The following SCEL variants were observed in gnomAD, a reference collection of about 807,000 sequenced individuals.
SCEL encodes sciellin.
Under a neutral mutation model 117.6 loss-of-function variants are expected in SCEL, and 113 were observed. The observed-to-expected ratio is 0.96, with a 90% CI of 0.83 to 1.12. SCEL has a LOEUF of 1.12. SCEL is among the 50% of genes most tolerant of loss of function. SCEL has a pLI of 0.00. For missense variants in SCEL, 785 were observed against 810.8 expected (o/e 0.97, Z 0.39); for synonymous variants, 270 against 256.2 (o/e 1.05, Z -0.51).
At chr13:77,556,552 T>A (rs2084666098) in intron 2 of SCEL, 44 bp from the exon 3 acceptor site, 2 of 1,534,700 alleles carry the variant, frequency 1.3e-6, no homozygotes, top group South Asian at 2.2e-5. Flanking sequence ...CACGCTCAAC[T>A]CCACACTATT....
chr13:77,573,443 A>G (rs987789488), intron 9 of SCEL, among the ~76,000 whole-genome samples: 2 of 152,212 alleles, frequency 1.3e-5, no homozygotes, highest in African/African-American at 4.8e-5. Flanking sequence ...CTTATTTCAT[A>G]TTAGATTGGT....
At chr13:77,571,087 C>T (rs1358352834) in intron 8 of SCEL, among the ~76,000 whole-genome samples, 1 of 151,654 alleles carries the variant, frequency 6.6e-6, no homozygotes, top group Non-Finnish European at 1.5e-5. Flanking sequence ...GCCTCAGCCT[C>T]CCAAAGTGCT....
intron 28 of SCEL, among the ~76,000 whole-genome samples, chr13:77,630,487 C>T (rs151140234): frequency 2.5e-4 from 38 of 152,246 alleles, no homozygotes; most frequent in African/African-American, 9.1e-4. Flanking sequence ...ATTAATGTTG[C>T]TATGAACATT....
intron 3 of SCEL, among the ~76,000 whole-genome samples, chr13:77,559,248 T>G (rs1373262178): frequency 6.6e-6 from 1 of 152,224 alleles, no homozygotes; most frequent in Non-Finnish European, 1.5e-5. Flanking sequence ...TTTTAACAAC[T>G]AACTAGAGCA....
At position 77,617,636 on chromosome 13, in the gene SCEL, G is replaced by A; in HGVS notation, c.1489G>A (p.Glu497Lys). The change falls in exon 25 of 33, where the codon GAA (glutamate) becomes AAA (lysine). Residue 497 changes from glutamate (E) to lysine (K), a missense_variant. Transcript: ENST00000349847. Reference protein sequence around the residue: ...DLDKLIKVNPEIFTNNQRNQD... With the variant: ...DLDKLIKVNPKIFTNNQRNQD... ...TGATAAACTCATCAAGGTGAATCCT[G>A]AAATTTTCACAAACAACCAAAGGTA... 1 of 1,598,304 alleles carries A rather than the reference G, an allele frequency of 6.3e-7. No homozygotes were observed. Among genetic ancestry groups the A allele is most frequent in the South Asian group, 1.1e-5 (1 of 88,354 alleles).
chr13:77,599,239 T>A lies in SCEL; in HGVS notation c.798-90T>A, dbSNP rs75670755. 4.8e-3 allele frequency: 4,041 copies of A among 846,942 alleles called. 159 individuals are homozygous for A. In the East Asian group the frequency reaches 0.088, roughly 18 times the overall value. The allele number at this position is 846,942 out of a possible 1,614,324, so 52.5% of individuals were successfully genotyped here. Reference sequence around the variant, plus strand: ...TCTTCCCCAACAAGCTTCTGTTTCCTGTCTTAGATGTAAACTGGTCTATGT... The same window carrying A: ...TCTTCCCCAACAAGCTTCTGTTTCCAGTCTTAGATGTAAACTGGTCTATGT... On this transcript the variant is annotated intron_variant, in intron 13 of 32. Transcript: ENST00000349847.
chr13:77,620,889 A>T (rs1567429616), intron 27 of SCEL, among the ~76,000 whole-genome samples: 2 of 152,132 alleles, frequency 1.3e-5, no homozygotes, highest in African/African-American at 4.8e-5. Flanking sequence ...AGTTTTTAGT[A>T]TTCCAAAAAG....
intron 30 of SCEL, among the ~76,000 whole-genome samples, chr13:77,637,727 C>G (rs989244105): frequency 1.2e-4 from 18 of 152,266 alleles, no homozygotes; most frequent in African/African-American, 3.4e-4. Flanking sequence ...ATCAATCCCC[C>G]CTTCTTGTGC....
intron 11 of SCEL, among the ~76,000 whole-genome samples, chr13:77,593,295 T>TGTGCGCGC (rs796907419): frequency 0.012 from 1,597 of 136,866 alleles, 39 homozygotes; most frequent in African/African-American, 0.04. Context: ...TGTGTGTGTG[T>TGTGCGCGC]GTCTGTGTGT....
At chr13:77,619,492 G>T (rs2089289339) in intron 27 of SCEL, among the ~76,000 whole-genome samples, 2 of 152,286 alleles carry the variant, frequency 1.3e-5, no homozygotes, top group South Asian at 2.1e-4. Flanking sequence ...AATCAGCTCA[G>T]ACTCTCTTCT....
At chr13:77,638,662 T>C (rs2090418870) in intron 30 of SCEL, among the ~76,000 whole-genome samples, 1 of 152,220 alleles carries the variant, frequency 6.6e-6, no homozygotes, top group South Asian at 2.1e-4. Flanking sequence ...AAATTGGCGA[T>C]GTTCTTACAG....
At chr13:77,572,552 T>G (rs1400467351) in intron 9 of SCEL, among the ~76,000 whole-genome samples, 1 of 152,116 alleles carries the variant, frequency 6.6e-6, no homozygotes, top group Admixed American at 6.5e-5. Flanking sequence ...AAATCAAGGG[T>G]TCAGCAGAGT....
Position 77,605,034 on chromosome 13 carries a change from A to G in SCEL, c.1157+619A>G, listed in dbSNP as rs982254912. On this transcript the variant is annotated intron_variant, in intron 19 of 32. Coordinates refer to ENST00000349847, the MANE Select transcript of SCEL (RefSeq NM_144777.3). The stretch of plus-strand genomic sequence containing the variant: ...GCTTAACAAAGTGTGCTTTGTTCTT[A>G]CCCATGAGTTGTCAAGTAAGTCTGG... 5.3e-5 allele frequency among the ~76,000 whole-genome samples: 8 copies of G among 152,122 alleles called. No homozygotes were observed. The East Asian group carries it at 1.5e-3, about 29-fold the overall frequency.
intron 1 of SCEL, among the ~76,000 whole-genome samples, chr13:77,550,229 T>TA (rs1261638265): frequency 6.6e-6 from 1 of 151,190 alleles, no homozygotes; most frequent in Non-Finnish European, 1.5e-5. Flanking sequence ...CTACTAAAAA[T>TA]AAAAAAATTA....
At chr13:77,559,611 C>G (rs1010590436) in intron 3 of SCEL, among the ~76,000 whole-genome samples, 193 bp from the exon 4 acceptor site, 1 of 152,188 alleles carries the variant, frequency 6.6e-6, no homozygotes, top group Non-Finnish European at 1.5e-5. Context: ...TACTGACAAA[C>G]TTGTTTCTTT....
chr13:77,604,463 G>GA, intron 19 of SCEL, 48 bp downstream of exon 19: 1 of 1,444,090 alleles, frequency 6.9e-7, no homozygotes, highest in Non-Finnish European at 9.3e-7. Flanking sequence ...CATTTAGAAG[G>GA]ACGTTAGAAT....
chr13:77,563,954 C>A, intron 5 of SCEL, 55 bp downstream of exon 5: 2 of 1,199,154 alleles, frequency 1.7e-6, no homozygotes, highest in Non-Finnish European at 2.3e-6. Context: ...AATACATTTT[C>A]TAATAAAGTT....
intron 27 of SCEL, among the ~76,000 whole-genome samples, chr13:77,620,934 T>C (rs1360675837): frequency 6.6e-6 from 1 of 152,188 alleles, no homozygotes; most frequent in Non-Finnish European, 1.5e-5. Flanking sequence ...ATTGCATATT[T>C]TTCATATTTC....
intron 5 of SCEL, 43 bp downstream of exon 5, chr13:77,563,942 T>A: frequency 8.0e-7 from 1 of 1,255,108 alleles, no homozygotes; most frequent in Non-Finnish European, 1.1e-6. Flanking sequence ...CATAACATAT[T>A]AAATACATTT....
Sources: gnomAD v4.1 joint callset for allele counts (sites outside exome capture counted in the v4.1 genomes callset) on GRCh38, gnomAD v4.1.1 for gene constraint, MANE v1.5 for transcripts, NCBI Gene and HGNC (gene_info 2026-07-23, HGNC 2026-07-21) for gene names.